Variants in MARCHF1 observed in about 807,000 individuals in gnomAD.
MARCHF1 encodes membrane associated ring-CH-type finger 1.
In MARCHF1, 40 loss-of-function variants were observed where a neutral mutation model predicts 54.2. The observed-to-expected ratio is 0.74, with a 90% CI of 0.57 to 0.96. MARCHF1 has a LOEUF of 0.96. Ranked by LOEUF, MARCHF1 falls within the 40% of genes least tolerant of loss-of-function variation. The pLI is 0.00. For missense variants in MARCHF1, 586 were observed against 656.5 expected, an observed-to-expected ratio of 0.89 and a Z score of 1.17; for synonymous variants, 236 against 236.3, an observed-to-expected ratio of 1.00 and a Z score of 0.01.
chr4:164,238,030 T>C, intron 1 of MARCHF1, among the ~76,000 whole-genome samples: 1 of 152,060 alleles, frequency 6.6e-6, no homozygotes, highest in Non-Finnish European at 1.5e-5. Context: ...ACAATTAAAC[T>C]AATATAATTC....
chr4:164,195,550 C>T (rs1391718017), intron 1 of MARCHF1, among the ~76,000 whole-genome samples: 2 of 152,126 alleles, frequency 1.3e-5, no homozygotes, highest in Admixed American at 6.6e-5. Context: ...TTAGAAGGGA[C>T]CCTGGATTAC....
At chr4:164,351,432 C>G (rs556376151) in intron 1 of MARCHF1, among the ~76,000 whole-genome samples, 1 of 150,724 alleles carries the variant, frequency 6.6e-6, no homozygotes, top group South Asian at 2.1e-4. Context: ...GGCAGACTGC[C>G]TCCTCAAGTG....
At chr4:164,212,884 G>A (rs1435173339) in intron 1 of MARCHF1, among the ~76,000 whole-genome samples, 2 of 152,156 alleles carry the variant, frequency 1.3e-5, no homozygotes, top group Admixed American at 6.6e-5. Context: ...CAACCAATAT[G>A]TTATGAGTCA....
At chr4:163,699,829 G>A (rs187056679) in intron 5 of MARCHF1, among the ~76,000 whole-genome samples, 498 of 151,946 alleles carry the variant, frequency 3.3e-3, no homozygotes, top group Admixed American at 6.1e-3. Context: ...ATCACATGGC[G>A]ACTCATTTTA....
intron 3 of MARCHF1, among the ~76,000 whole-genome samples, chr4:163,880,000 T>G (rs1467946062): frequency 6.6e-6 from 1 of 152,120 alleles, no homozygotes; most frequent in Non-Finnish European, 1.5e-5. Flanking sequence ...CCATGATGGC[T>G]AAGAAAAAGT....
chr4:163,767,283 C>T lies in MARCHF1; in HGVS notation c.112-66420G>A, dbSNP rs2110851743. 1.3e-5 allele frequency among the ~76,000 whole-genome samples: 2 copies of T among 151,608 alleles called. 1 individual carries two copies. The highest frequency in any genetic ancestry group is 4.8e-5 in the African/African-American group (2 of 41,372). ...GAAAATCTGATTAATTTGCGTTCTGCCTAGTTATCAACAGAGAACACGTTG... is the reference window on the plus strand; with the variant it reads ...GAAAATCTGATTAATTTGCGTTCTGTCTAGTTATCAACAGAGAACACGTTG... On this transcript the variant is annotated intron_variant, in intron 4 of 9. Coordinates refer to ENST00000514618, the MANE Select transcript of MARCHF1 (RefSeq NM_001394959.1).
intron 2 of MARCHF1, among the ~76,000 whole-genome samples, chr4:164,021,758 C>G (rs902506038): frequency 6.6e-6 from 1 of 151,744 alleles, no homozygotes; most frequent in Non-Finnish European, 1.5e-5. Context: ...TCAGGAGATG[C>G]GGACAGAATT....
chr4:163,860,440 C>CA (rs772880541), intron 3 of MARCHF1, among the ~76,000 whole-genome samples: 27 of 152,148 alleles, frequency 1.8e-4, no homozygotes, highest in Non-Finnish European at 3.7e-4. Context: ...AACAGTCTTA[C>CA]AAAAAAGACT....
chr4:163,564,489 G>T (rs931964663), intron 8 of MARCHF1, among the ~76,000 whole-genome samples: 1 of 152,098 alleles, frequency 6.6e-6, no homozygotes, highest in Admixed American at 6.5e-5. Flanking sequence ...TTTATTTAAG[G>T]CCACATACTT....
At chr4:163,795,668 T>A (rs1747895310) in intron 4 of MARCHF1, among the ~76,000 whole-genome samples, 1 of 152,254 alleles carries the variant, frequency 6.6e-6, no homozygotes, top group African/African-American at 2.4e-5. Flanking sequence ...TTTTCCATTA[T>A]GATGGGGATT....
At chr4:163,597,627 TAATC>T (rs1400718230) in intron 7 of MARCHF1, among the ~76,000 whole-genome samples, 4 of 152,206 alleles carry the variant, frequency 2.6e-5, no homozygotes, top group East Asian at 1.9e-4. Flanking sequence ...ACTACTGTAA[TAATC>T]AATAAAAATA....
intron 4 of MARCHF1, among the ~76,000 whole-genome samples, chr4:163,829,997 G>A (rs559368217): frequency 6.6e-6 from 1 of 152,102 alleles, no homozygotes; most frequent in Non-Finnish European, 1.5e-5. Context: ...AAAACGTATT[G>A]TGTATACCCT....
chr4:164,015,183 G>T (rs147602726), intron 2 of MARCHF1, among the ~76,000 whole-genome samples: 4 of 152,096 alleles, frequency 2.6e-5, no homozygotes, highest in South Asian at 2.1e-4. Context: ...TGACAAAGGT[G>T]CCAAGGACAT....
intron 1 of MARCHF1, among the ~76,000 whole-genome samples, chr4:164,127,764 AAAC>A (rs1756216578): frequency 6.6e-6 from 1 of 152,168 alleles, no homozygotes; most frequent in East Asian, 1.9e-4. Context: ...AATAAACATA[AAAC>A]AATAATTTTA....
Position 164,239,028 on chromosome 4 carries a change from A to G in MARCHF1, c.-322-127366T>C, listed in dbSNP as rs898166953. On this transcript the variant is annotated intron_variant, in intron 1 of 9. Transcript: ENST00000514618. The stretch of plus-strand genomic sequence containing the variant: ...TCATCTGTATAGTGAATACCTATGG[A>G]TCACCATTGTTTTTCAGGTTATATA... Among the ~76,000 whole-genome samples, 4 of 152,068 alleles carry G rather than the reference A, an allele frequency of 2.6e-5. No individual in the cohort carries two copies. The East Asian group carries it at 7.7e-4, about 29-fold the overall frequency.
At chr4:164,370,392 T>A (rs113962261) in intron 1 of MARCHF1, among the ~76,000 whole-genome samples, 1,711 of 152,250 alleles carry the variant, frequency 0.011, 37 homozygotes, top group African/African-American at 0.039. Context: ...GTGGCCATCA[T>A]TGTATGCATT....
chr4:164,169,746 C>T (rs1730474670), intron 1 of MARCHF1, among the ~76,000 whole-genome samples: 2 of 152,086 alleles, frequency 1.3e-5, no homozygotes, highest in South Asian at 4.1e-4. Context: ...ATCATGACCA[C>T]TCAGGACTGT....
chr4:163,720,775 A>G (rs1009835394), intron 4 of MARCHF1, among the ~76,000 whole-genome samples: 4 of 152,122 alleles, frequency 2.6e-5, no homozygotes, highest in African/African-American at 7.2e-5. Flanking sequence ...TAGGTATTTT[A>G]TTCTCTTTGA....
intron 3 of MARCHF1, among the ~76,000 whole-genome samples, chr4:163,957,868 C>A (rs989077783): frequency 3.3e-5 from 5 of 152,024 alleles, no homozygotes; most frequent in African/African-American, 1.2e-4. Context: ...CAGGCTCCTG[C>A]AATAGCCTCC....
Sources: allele counts gnomAD v4.1 joint callset (sites outside exome capture counted in the v4.1 genomes callset), GRCh38; gene constraint gnomAD v4.1.1; transcripts MANE v1.5; gene names NCBI Gene and HGNC (gene_info 2026-07-23, HGNC 2026-07-21).